MVB12A: variants seen among roughly 807,000 people sequenced by gnomAD.
MVB12A encodes multivesicular body subunit 12A, also known as CIN85/CD2AP family binding protein.
Under a neutral mutation model 34.3 loss-of-function variants are expected in MVB12A, and 30 were observed. That is an observed-to-expected ratio of 0.88 (90% CI 0.65 to 1.19). The LOEUF (loss-of-function observed/expected upper bound fraction) is 1.19, where lower values mean the gene tolerates loss of function less well. MVB12A is among the 50% of genes most tolerant of loss of function. MVB12A has a pLI of 0.00. For missense variants in MVB12A, 355 were observed against 369.2 expected (o/e 0.96, Z 0.31); for synonymous variants, 158 against 158.9 (o/e 0.99, Z 0.04).
At chr19:17,424,875 C>G (rs1261654262) in intron 8 of MVB12A, 56 bp from the exon 9 acceptor site, 5 of 1,382,448 alleles carry the variant, frequency 3.6e-6, no homozygotes, top group Non-Finnish European at 3.0e-6. Context: ...GTCACTCCCC[C>G]TTTGGCCCTC....
chr19:17,419,847 C>T, upstream of MVB12A: 1 of 284,656 alleles, frequency 3.5e-6, no homozygotes. Context: ...TGTGCCGTAG[C>T]ATTTCCGGCG....
chr19:17,424,902 T>TGTTCACTC (rs1408804440), intron 8 of MVB12A, 29 bp from the exon 9 acceptor site: 11 of 1,570,028 alleles, frequency 7.0e-6, no homozygotes, highest in Non-Finnish European at 9.5e-6. Flanking sequence ...CTCTGGCACC[T>TGTTCACTC]GTTCACTCTC....
chr19:17,407,241 T>C (rs1263798699), intron 2 of MVB12A, among the ~76,000 whole-genome samples: 1 of 152,158 alleles, frequency 6.6e-6, no homozygotes, highest in Non-Finnish European at 1.5e-5. Flanking sequence ...TTAAAATTAC[T>C]GTAGGGACCA....
At chr19:17,414,345 C>T (rs1265599380) in intron 2 of MVB12A, 1 of 152,224 alleles carries the variant, frequency 6.6e-6, no homozygotes, top group African/African-American at 2.4e-5. Context: ...CAGTGAGTGG[C>T]ACTCCTCTCT....
At chr19:17,409,509 T>A (rs1327555175) in intron 2 of MVB12A, among the ~76,000 whole-genome samples, 1 of 143,612 alleles carries the variant, frequency 7.0e-6, no homozygotes, top group Non-Finnish European at 1.5e-5. Flanking sequence ...AGTGCAATGA[T>A]GCAATCTTAG....
At chr19:17,410,529 T>TATATATATATATACACAC in intron 2 of MVB12A, among the ~76,000 whole-genome samples, 1 of 74,446 alleles carries the variant, frequency 1.3e-5, no homozygotes, top group African/African-American at 6.6e-5. Flanking sequence ...TATATATATA[T>TATATATATATATACACAC]ACACACACAC....
At position 17,423,786 on chromosome 19, in the gene MVB12A, C is replaced by G. The variant is rs2074853439; in HGVS notation, c.627C>G (p.Leu209=). 6.3e-5 allele frequency: 102 copies of G among 1,613,866 alleles called. No homozygotes were observed. Among genetic ancestry groups the G allele is most frequent in the Non-Finnish European group, 8.6e-5 (101 of 1,179,910 alleles). ...RNDSIYEASS[L]YGISAMDGVP... ...ACTCCATCTACGAGGCCTCCAGCCT[C>G]TATGGCATCTCAGGTGAGCACAGAG... is the stretch of plus-strand genomic sequence containing the variant. The change falls in exon 6 of 9, where the codon CTC becomes CTG. Residue 209 remains leucine (L), a synonymous_variant. Coordinates refer to ENST00000317040, the MANE Select transcript of MVB12A (RefSeq NM_138401.4).
intron 2 of MVB12A, among the ~76,000 whole-genome samples, chr19:17,410,541 T>TAC (rs1357688983): frequency 0.05 from 4,986 of 99,186 alleles, 795 homozygotes; most frequent in African/African-American, 0.21. Flanking sequence ...CACACACACA[T>TAC]ATATATATAC....
At chr19:17,408,566 C>T (rs965206302) in intron 2 of MVB12A, among the ~76,000 whole-genome samples, 8 of 150,360 alleles carry the variant, frequency 5.3e-5, no homozygotes, top group Non-Finnish European at 1.0e-4. Context: ...CCTGCCTCAG[C>T]CTCCTGAGTA....
At chr19:17,413,873 A>G (rs1484411041) in intron 2 of MVB12A, among the ~76,000 whole-genome samples, 1 of 152,168 alleles carries the variant, frequency 6.6e-6, no homozygotes, top group Non-Finnish European at 1.5e-5. Flanking sequence ...TGCCCTTGTC[A>G]TTTGATAAGT....
At chr19:17,410,603 TAC>T (rs1247054564) in intron 2 of MVB12A, among the ~76,000 whole-genome samples, 3 of 138,872 alleles carry the variant, frequency 2.2e-5, no homozygotes, top group African/African-American at 8.4e-5. Context: ...CATATATATA[TAC>T]ACATATATAT....
At chr19:17,407,854 TC>T (rs1229783002) in intron 2 of MVB12A, among the ~76,000 whole-genome samples, 1 of 152,212 alleles carries the variant, frequency 6.6e-6, no homozygotes, top group East Asian at 1.9e-4. Context: ...TGGGTGTTGT[TC>T]CTTGACACTT....
At position 17,420,235 on chromosome 19, in the gene MVB12A, G is replaced by A. The variant is rs763038997; in HGVS notation, c.90+10G>A. On this transcript the variant is annotated intron_variant, in intron 1 of 8. Transcript: ENST00000317040. ...GCGGGGGTTCAGCGCGGTGAGCGGCGTCGAGGGGCGGGGGTCGAATGGGGG... is the reference window on the plus strand; with the variant it reads ...GCGGGGGTTCAGCGCGGTGAGCGGCATCGAGGGGCGGGGGTCGAATGGGGG... 4.7e-6 allele frequency: 7 copies of A among 1,502,156 alleles called. No individual in the cohort carries two copies. The Admixed American group carries it at 1.2e-4, about 25-fold the overall frequency. The allele number at this position is 1,502,156 out of a possible 1,614,324, so 93.1% of individuals were successfully genotyped here.
At position 17,423,673 on chromosome 19, in the gene MVB12A, C is replaced by T; in HGVS notation, c.534-20C>T. On this transcript the variant is annotated intron_variant, in intron 5 of 8. Transcript: ENST00000317040. Reference sequence around the variant, plus strand: ...CCGTTGTGGGAGGATGAGGCTTAACCTGAGTCATCCCACCTCCAGTAAGGG... The same window carrying T: ...CCGTTGTGGGAGGATGAGGCTTAACTTGAGTCATCCCACCTCCAGTAAGGG... 6.2e-7 allele frequency: 1 copy of T among 1,613,678 alleles called. No individual in the cohort carries two copies. Among genetic ancestry groups the T allele is most frequent in the Non-Finnish European group, 8.5e-7 (1 of 1,179,808 alleles).
chr19:17,406,997 G>A (rs1025080263), intron 2 of MVB12A, among the ~76,000 whole-genome samples: 1 of 152,138 alleles, frequency 6.6e-6, no homozygotes, highest in East Asian at 1.9e-4. Flanking sequence ...TATTTGAGCA[G>A]CACTGTTCTG....
chr19:17,416,847 G>C (rs2074803052), upstream of MVB12A, among the ~76,000 whole-genome samples: 1 of 150,732 alleles, frequency 6.6e-6, no homozygotes, highest in African/African-American at 2.4e-5. Context: ...CGACAGGTGT[G>C]CACCACCACC....
At chr19:17,413,980 A>C (rs998166247) in intron 2 of MVB12A, among the ~76,000 whole-genome samples, 3 of 152,100 alleles carry the variant, frequency 2.0e-5, no homozygotes, top group Non-Finnish European at 4.4e-5. Context: ...CACTTCCCAT[A>C]AAGAAGAATT....
intron 2 of MVB12A, among the ~76,000 whole-genome samples, chr19:17,410,927 C>A (rs376258846): frequency 0.031 from 2,627 of 86,028 alleles, no homozygotes; most frequent in Middle Eastern, 0.037. Context: ...GACTCTGTCT[C>A]AAAAAAAAAA....
rs1316633092 is a variant in MVB12A at position 17,425,210 on chromosome 19, CCTGCCGGGCAGGGCTGGAGCT to C, written c.*218_*238del. ...GGTGATGGGGTCTCCGCCCCCACGC[CCTGCCGGGCAGGGCTGGAGCT>C]GGACAGAAGCCAGTGCCTTTAAGTC... On this transcript the variant is annotated 3_prime_UTR_variant, in exon 9 of 9. Transcript: ENST00000317040. 1.9e-6 allele frequency: 1 copy of C among 527,930 alleles called. No individual in the cohort carries two copies. The highest frequency in any genetic ancestry group is 3.3e-6 in the Non-Finnish European group (1 of 299,810). The allele number at this position is 527,930 out of a possible 1,614,324, so 32.7% of individuals were successfully genotyped here. A position where few individuals can be genotyped will look rare whatever the true frequency, so the allele number is the denominator to read the frequency against.
Sources: allele counts gnomAD v4.1 joint callset (sites outside exome capture counted in the v4.1 genomes callset), GRCh38; gene constraint gnomAD v4.1.1; transcripts MANE v1.5; gene names NCBI Gene and HGNC (gene_info 2026-07-23, HGNC 2026-07-21).